The following RNF215 variants were observed in gnomAD, a reference collection of about 807,000 sequenced individuals.
The protein encoded by RNF215 is ring finger protein 215.
In RNF215, 41 loss-of-function variants were observed where a neutral mutation model predicts 44.8. The observed-to-expected ratio is 0.92, with a 90% CI of 0.71 to 1.19. The LOEUF is 1.19. RNF215 is among the 50% of genes most tolerant of loss of function. RNF215 has a pLI of 0.00. For synonymous variants in RNF215, 218 were observed against 230.1 expected, an observed-to-expected ratio of 0.95 and a Z score of 0.48; for missense variants, 452 against 496.2, an observed-to-expected ratio of 0.91 and a Z score of 0.85.
At position 30,380,853 on chromosome 22, in the gene RNF215, C is replaced by T. The variant is rs541224335; in HGVS notation, c.745-452G>A. ...CTCACCCATCCAGCCTGAATGTTCG[C>T]ACCCCCCTGTACGGGAGGGAGCCAG... On this transcript the variant is annotated intron_variant, in intron 5 of 8. Transcript: ENST00000382363. This position sits in a 1 kb window ranked among gnomAD's most constrained non-coding sequence, Gnocchi z 5.3. Among the ~76,000 whole-genome samples the T allele has an allele frequency of 6.6e-6, 1 of 152,288 alleles. No individual in the cohort carries two copies. Among genetic ancestry groups the T allele is most frequent in the South Asian group, 2.1e-4 (1 of 4,822 alleles).
At chr22:30,385,815 G>C in intron 4 of RNF215, 89 bp downstream of exon 4, 2 of 1,162,902 alleles carry the variant, frequency 1.7e-6, no homozygotes, top group Non-Finnish European at 2.5e-6. Flanking sequence ...AACAGGTAAG[G>C]CCCTGGTCCC....
In RNF215 at chr22:30,379,562, G is replaced by A; in HGVS notation, c.*38C>T. On this transcript the variant is annotated 3_prime_UTR_variant, in exon 9 of 9. Transcript: ENST00000382363. ...AGGCTGAGGACCGGGGTGCAGGCAGGAAGGGTCCATCCCCATGTGCAGAGT... is the reference window on the plus strand; with the variant it reads ...AGGCTGAGGACCGGGGTGCAGGCAGAAAGGGTCCATCCCCATGTGCAGAGT... 2 of 1,548,038 alleles carry A rather than the reference G, an allele frequency of 1.3e-6. No individual in the cohort carries two copies. Among genetic ancestry groups the A allele is most frequent in the Non-Finnish European group, 1.7e-6 (2 of 1,146,776 alleles).
chr22:30,385,928 G>C lies in RNF215; in HGVS notation c.563C>G (p.Thr188Ser). The change falls in exon 4 of 9, where the codon ACC becomes AGC. Residue 188 changes from threonine to serine, a missense_variant. Transcript: ENST00000382363. ...CTGCAGCAATGCATCCAACAGCTTGGTGACATTGGAGGAATAATGGAGGAC... is the reference window on the plus strand; with the variant it reads ...CTGCAGCAATGCATCCAACAGCTTGCTGACATTGGAGGAATAATGGAGGAC... ...VIVLHYSSNV[T>S]KLLDALLQRT... is the part of the protein sequence containing the mutation. 1 of 1,614,166 alleles carries C rather than the reference G, an allele frequency of 6.2e-7. No homozygotes were observed.
At chr22:30,386,224 G>A in intron 2 of RNF215, 83 bp from the exon 3 acceptor site, 1 of 1,339,978 alleles carries the variant, frequency 7.5e-7, no homozygotes, top group South Asian at 1.3e-5. Flanking sequence ...GCTGCTCTTA[G>A]CTCCTGGCCC....
At chr22:30,381,596 C>A (rs1296217220) in intron 5 of RNF215, among the ~76,000 whole-genome samples, 1 of 152,226 alleles carries the variant, frequency 6.6e-6, no homozygotes, top group South Asian at 2.1e-4. Flanking sequence ...CACTTCAAAG[C>A]TCTCTGCAGC....
At position 30,380,131 on chromosome 22, in the gene RNF215, TGCCCTGCTCAGCCGGCAGC is replaced by T; in HGVS notation, c.920_938del (p.Arg307GlnfsTer44). On this transcript the variant is annotated frameshift_variant, in exon 7 of 9. Coordinates refer to ENST00000382363, the MANE Select transcript of RNF215 (RefSeq NM_001017981.2). LOFTEE classifies it high-confidence loss of function. The surrounding 1 kb of genome is among the most constrained non-coding windows in gnomAD (Gnocchi z 5.3). ...CACCCGGATCTGGGAGGCCCTGCGC[TGCCCTGCTCAGCCGGCAGC>T]GCCGTGTCTTGAGGGATGCCAGTCT... The T allele has an allele frequency of 6.2e-7, 1 of 1,613,864 alleles. No individual in the cohort carries two copies. Among genetic ancestry groups the T allele is most frequent in the Non-Finnish European group, 8.5e-7 (1 of 1,179,974 alleles).
Position 30,386,649 on chromosome 22 carries a change from G to A in RNF215, c.396C>T (p.Gly132=). The A allele has an allele frequency of 6.2e-7, 1 of 1,613,258 alleles. No individual in the cohort carries two copies. Among genetic ancestry groups the A allele is most frequent in the East Asian group, 2.2e-5 (1 of 44,888 alleles). ...CCAGGGCCTTGGGATAGGCCTGCGG[G>A]CCACTGCCCTTATTCTCCTGGTGGA... ...AQFHQENKGS[G]PQAYPKALVQ... The change falls in exon 2 of 9, where the codon GGC becomes GGT. Residue 132 remains glycine, a synonymous_variant. Transcript: ENST00000382363.
At position 30,380,502 on chromosome 22, in the gene RNF215, T is replaced by C. The variant is rs1933515126; in HGVS notation, c.745-101A>G. 1 of 1,425,638 alleles carries C rather than the reference T, an allele frequency of 7.0e-7. No homozygotes were observed. Among genetic ancestry groups the C allele is most frequent in the Non-Finnish European group, 9.4e-7 (1 of 1,063,648 alleles). 88.3% of individuals were successfully genotyped at this position (1,425,638 alleles called of 1,614,324 possible). A position where few individuals can be genotyped will look rare whatever the true frequency, so the allele number is the denominator to read the frequency against. ...CGCCAGGGAGCAGGCAGGTGAGGTA[T>C]GCTGACGGCCTCTGTGTCCCTGCAG... On this transcript the variant is annotated intron_variant, in intron 5 of 8. Coordinates refer to ENST00000382363, the MANE Select transcript of RNF215 (RefSeq NM_001017981.2). This position sits in a 1 kb window ranked among gnomAD's most constrained non-coding sequence, Gnocchi z 5.3.
rs1030922041 is a variant in RNF215, at chr22:30,380,918, G to A, written c.745-517C>T. Among the ~76,000 whole-genome samples, 1 of 152,078 alleles carries A rather than the reference G, an allele frequency of 6.6e-6. No individual in the cohort carries two copies. The highest frequency in any genetic ancestry group is 1.5e-5 in the Non-Finnish European group (1 of 67,994). On this transcript the variant is annotated intron_variant, in intron 5 of 8. Coordinates refer to ENST00000382363, the MANE Select transcript of RNF215 (RefSeq NM_001017981.2). The surrounding 1 kb of genome is among the most constrained non-coding windows in gnomAD (Gnocchi z 5.3). ...TGCTTCGTTCTCCTGGGTGGGGGTG[G>A]GTCTCATGCCCTCCTTGCCACCCAC...
rs1933606139 is a variant in RNF215, at chr22:30,386,761, T to C, written c.286-2A>G. 1.2e-6 allele frequency: 2 copies of C among 1,602,940 alleles called. No individual in the cohort carries two copies. The highest frequency in any genetic ancestry group is 1.7e-6 in the Non-Finnish European group (2 of 1,179,482). On this transcript the variant is annotated splice_acceptor_variant, in intron 1 of 8. Transcript: ENST00000382363. LOFTEE classifies it high-confidence loss of function. ...CTGCTCGGCATCCACGATGTCCATC[T>C]GTGTGGCAAGGGGCCATGAGCAGAG... is the stretch of plus-strand genomic sequence containing the variant.
chr22:30,387,399 G>A lies in RNF215; in HGVS notation c.-86C>T, dbSNP rs1933620509. ...GGAGGGAGCGAGGCCGCTGCCGGAC[G>A]GGGCGGGGCGCCGGGAGGGGCGGGG... On this transcript the variant is annotated 5_prime_UTR_variant, in exon 1 of 9. Transcript: ENST00000382363. 5 of 838,444 alleles carry A rather than the reference G, an allele frequency of 6.0e-6. No homozygotes were observed. The highest frequency in any genetic ancestry group is 7.2e-6 in the Non-Finnish European group (5 of 692,586). 51.9% of individuals were successfully genotyped at this position (838,444 alleles called of 1,614,324 possible). A position where few individuals can be genotyped will look rare whatever the true frequency, so the allele number is the denominator to read the frequency against.
chr22:30,386,835 C>T, intron 1 of RNF215, 76 bp from the exon 2 acceptor site: 4 of 1,535,106 alleles, frequency 2.6e-6, no homozygotes, highest in Admixed American at 1.9e-5. Context: ...ACAGTGGATG[C>T]CAAGGCCAGA....
At position 30,380,429 on chromosome 22, in the gene RNF215, AT is replaced by A; in HGVS notation, c.745-29del. On this transcript the variant is annotated intron_variant, in intron 5 of 8. Transcript: ENST00000382363. The surrounding 1 kb of genome is among the most constrained non-coding windows in gnomAD (Gnocchi z 5.3). ...GGGGAGGGAAGCAGTCATCAGGGAC[AT>A]GGGGCCACCCCCACACGCCTCCCTT... 1 of 1,583,464 alleles carries A rather than the reference AT, an allele frequency of 6.3e-7. No individual in the cohort carries two copies. Among genetic ancestry groups the A allele is most frequent in the African/African-American group, 1.3e-5 (1 of 74,126 alleles).
Position 30,387,269 on chromosome 22 carries a change from A to AGGCGGCGGC in RNF215, c.36_44dup (p.Pro18_Pro20dup). 4.7e-6 allele frequency: 5 copies of AGGCGGCGGC among 1,053,110 alleles called. No homozygotes were observed. The highest frequency in any genetic ancestry group is 4.6e-6 in the Non-Finnish European group (4 of 873,212). 65.2% of individuals were successfully genotyped at this position (1,053,110 alleles called of 1,614,324 possible). On this transcript the variant is annotated inframe_insertion, in exon 1 of 9. Transcript: ENST00000382363. ...GCAGCGGAGACGGAGGCGGCGGCGG[A>AGGCGGCGGC]GGCGGCGGCGGCGATCTCAGCGCGG...
chr22:30,383,333 G>GCCCCACCCGCAGACTGCA (rs1569199138), intron 5 of RNF215, among the ~76,000 whole-genome samples: 1 of 151,928 alleles, frequency 6.6e-6, no homozygotes, highest in East Asian at 1.9e-4. Flanking sequence ...TGCAGACTGC[G>GCCCCACCCGCAGACTGCA]CTCAGCCCCA....
rs1601759275 is a variant in RNF215 at position 30,384,391 on chromosome 22, T to C, written c.692A>G (p.Tyr231Cys). The change falls in exon 5 of 9, where the codon TAT (tyrosine) becomes TGT (cysteine). Residue 231 changes from tyrosine (Y) to cysteine (C), a missense_variant. Physicochemically the swap from Tyr to Cys is radical, Grantham distance 194. Transcript: ENST00000382363. ...WTTCGLSKDG[Y>C]GGWQDLVCLG... Reference sequence around the variant, plus strand: ...GCAGACCAAGTCCTGCCATCCTCCATAGCCATCCTTGGAGAGGCCACAGGT... The same window carrying C: ...GCAGACCAAGTCCTGCCATCCTCCACAGCCATCCTTGGAGAGGCCACAGGT... 1 of 1,614,044 alleles carries C rather than the reference T, an allele frequency of 6.2e-7. No homozygotes were observed. The highest frequency in any genetic ancestry group is 8.5e-7 in the Non-Finnish European group (1 of 1,179,954).
intron 4 of RNF215, 47 bp downstream of exon 4, chr22:30,385,857 C>T (rs1933590592): frequency 2.6e-6 from 4 of 1,553,774 alleles, no homozygotes; most frequent in East Asian, 4.5e-5. Context: ...GAACCAGGGG[C>T]TCTCTGTACC....
At chr22:30,381,382 G>A (rs926418639) in intron 5 of RNF215, among the ~76,000 whole-genome samples, 4 of 152,060 alleles carry the variant, frequency 2.6e-5, no homozygotes, top group South Asian at 2.1e-4. Flanking sequence ...TGGGGGCCCC[G>A]GGCCCCTGGG....
intron 5 of RNF215, among the ~76,000 whole-genome samples, chr22:30,383,133 G>A (rs1198367502): frequency 6.6e-6 from 1 of 152,184 alleles, no homozygotes; most frequent in Non-Finnish European, 1.5e-5. Context: ...GAGGCACAGT[G>A]ACTGGGCCCT....
Sources: allele counts gnomAD v4.1 joint callset (sites outside exome capture counted in the v4.1 genomes callset), GRCh38; gene constraint gnomAD v4.1.1; non-coding constraint Gnocchi (gnomAD v3.1); transcripts MANE v1.5; gene names NCBI Gene and HGNC (gene_info 2026-07-23, HGNC 2026-07-21).